BBS9: variants seen among roughly 807,000 people sequenced by gnomAD.
BBS9 encodes Bardet-Biedl syndrome 9, also known as protein PTHB1.
Under a neutral mutation model 117.7 loss-of-function variants are expected in BBS9, and 89 were observed. That is an observed-to-expected ratio of 0.76 (90% CI 0.64 to 0.90). BBS9 has a LOEUF of 0.90. Among genes scored for constraint, BBS9 ranks in the 40% least tolerant of loss-of-function variants. The pLI is 0.00. For synonymous variants in BBS9, 379 were observed against 370.9 expected, an observed-to-expected ratio of 1.02 and a Z score of -0.25; for missense variants, 982 against 1,042.2, an observed-to-expected ratio of 0.94 and a Z score of 0.80.
chr7:33,331,692 A>C (rs557109488), intron 9 of BBS9, among the ~76,000 whole-genome samples: 1 of 150,362 alleles, frequency 6.7e-6, no homozygotes, highest in South Asian at 2.1e-4. Flanking sequence ...CACACACACA[A>C]CTCCCCCCAA....
chr7:33,498,683 A>G (rs1335552461), intron 19 of BBS9, among the ~76,000 whole-genome samples: 1 of 152,172 alleles, frequency 6.6e-6, no homozygotes, highest in East Asian at 1.9e-4. Flanking sequence ...TGTAGCGTGT[A>G]TAAGTACTTG....
chr7:33,197,620 C>G (rs1243346705), intron 5 of BBS9, among the ~76,000 whole-genome samples: 1 of 151,674 alleles, frequency 6.6e-6, no homozygotes, highest in Non-Finnish European at 1.5e-5. Flanking sequence ...TACACTGGTA[C>G]TCTGATTATA....
At chr7:33,366,180 T>A (rs142073718) in intron 16 of BBS9, among the ~76,000 whole-genome samples, 2 of 152,152 alleles carry the variant, frequency 1.3e-5, no homozygotes, top group Non-Finnish European at 2.9e-5. Context: ...CTGGTGGAAA[T>A]GGCTATTGGT....
At position 33,513,128 on chromosome 7, in the gene BBS9, C is replaced by T. The variant is rs185642678; in HGVS notation, c.2298+7483C>T. Among the ~76,000 whole-genome samples, 257 of 152,246 alleles carry T rather than the reference C, an allele frequency of 1.7e-3. 5 individuals carry two copies. Among genetic ancestry groups the T allele is most frequent in the Admixed American group, 0.013 (206 of 15,288 alleles). On this transcript the variant is annotated intron_variant, in intron 20 of 22. Coordinates refer to ENST00000242067, the MANE Select transcript of BBS9 (RefSeq NM_198428.3). Reference sequence around the variant, plus strand: ...CTAAAGCTCATTTTATGTGACTCCCCGGCTACCCCCTTCATTCTGGGAAAT... The same window carrying T: ...CTAAAGCTCATTTTATGTGACTCCCTGGCTACCCCCTTCATTCTGGGAAAT...
intron 20 of BBS9, among the ~76,000 whole-genome samples, chr7:33,512,871 G>A (rs10275218): frequency 0.02 from 3,055 of 152,238 alleles, 82 homozygotes; most frequent in African/African-American, 0.056. Flanking sequence ...ACGCCCCTTG[G>A]CTCAGGCCCT....
At chr7:33,481,809 T>C (rs1167930952) in intron 19 of BBS9, among the ~76,000 whole-genome samples, 2 of 152,108 alleles carry the variant, frequency 1.3e-5, no homozygotes, top group Non-Finnish European at 2.9e-5. Context: ...TAGGGAGATA[T>C]TTTAAGGGCA....
At chr7:33,635,274 G>C (rs112570572) in exon 22 of BBS9, among the ~76,000 whole-genome samples, 1 of 152,188 alleles carries the variant, frequency 6.6e-6, no homozygotes, top group African/African-American at 2.4e-5. Context: ...AAAGCTAAGC[G>C]GGGTCAATCA....
chr7:33,610,155 G>A (rs914380639), downstream of BBS9, among the ~76,000 whole-genome samples: 6 of 152,098 alleles, frequency 3.9e-5, no homozygotes, highest in Admixed American at 6.6e-5. Flanking sequence ...GTGAGCGAGC[G>A]AGATAGAGAG....
intron 19 of BBS9, among the ~76,000 whole-genome samples, chr7:33,421,086 A>G (rs1437712691): frequency 6.6e-6 from 1 of 152,222 alleles, no homozygotes; most frequent in African/African-American, 2.4e-5. Context: ...AAAGGAGTAG[A>G]AATGGAAGGA....
At chr7:33,419,420 T>C (rs1584757423) in intron 19 of BBS9, among the ~76,000 whole-genome samples, 1 of 152,302 alleles carries the variant, frequency 6.6e-6, no homozygotes, top group African/African-American at 2.4e-5. Flanking sequence ...TTGATGGAAA[T>C]GGGGAGCTTG....
intron 9 of BBS9, among the ~76,000 whole-genome samples, chr7:33,298,182 T>C (rs1805656006): frequency 6.6e-6 from 1 of 152,074 alleles, no homozygotes; most frequent in African/African-American, 2.4e-5. Context: ...CATTGACACA[T>C]AGGAATATTT....
chr7:33,549,794 C>T (rs1477574232), intron 21 of BBS9, among the ~76,000 whole-genome samples: 2 of 152,152 alleles, frequency 1.3e-5, no homozygotes, highest in Non-Finnish European at 2.9e-5. Context: ...GAAATCTGAA[C>T]TCTGTATAAT....
intron 5 of BBS9, among the ~76,000 whole-genome samples, chr7:33,185,019 C>T (rs1212728318): frequency 6.6e-6 from 1 of 152,176 alleles, no homozygotes; most frequent in African/African-American, 2.4e-5. Context: ...CAATGTAATT[C>T]CCTGATGTTG....
In BBS9 at chr7:33,556,054, C is replaced by A. The variant is rs116423174; in HGVS notation, c.2521+21878C>A. Among the ~76,000 whole-genome samples, 82 of 152,256 alleles carry A rather than the reference C, an allele frequency of 5.4e-4. 2 individuals carry two copies. Among genetic ancestry groups the A allele is most frequent in the Admixed American group, 5.2e-3 (80 of 15,296 alleles). On this transcript the variant is annotated intron_variant, in intron 21 of 22. Transcript: ENST00000242067. ...ATCTAACTGATCACACTTGGTAGTG[C>A]ACAATGTTATGAAGTAGTACGTATT...
chr7:33,404,367 C>T (rs1246263479), intron 19 of BBS9, among the ~76,000 whole-genome samples: 3 of 152,064 alleles, frequency 2.0e-5, no homozygotes, highest in African/African-American at 7.2e-5. Flanking sequence ...GTAGTTTTTT[C>T]CAATTCTGTG....
chr7:33,424,898 C>T (rs1224118085), intron 19 of BBS9, among the ~76,000 whole-genome samples: 1 of 151,966 alleles, frequency 6.6e-6, no homozygotes, highest in Non-Finnish European at 1.5e-5. Flanking sequence ...CAAGTAGATA[C>T]TCACCATCAT....
intron 21 of BBS9, among the ~76,000 whole-genome samples, chr7:33,562,798 C>G (rs1001173942): frequency 6.6e-6 from 1 of 152,080 alleles, no homozygotes; most frequent in Non-Finnish European, 1.5e-5. Context: ...GTGGCACGCG[C>G]CTGTAGTCCC....
chr7:33,157,424 G>T (rs1043987135), intron 4 of BBS9, among the ~76,000 whole-genome samples: 4 of 152,160 alleles, frequency 2.6e-5, no homozygotes, highest in Non-Finnish European at 5.9e-5. Flanking sequence ...GGGACTAGGA[G>T]TTGTCCAAAC....
At chr7:33,608,881 TTTTG>T (rs141931664), downstream of BBS9, among the ~76,000 whole-genome samples, 54,150 of 151,622 alleles carry the variant, frequency 0.36, 12,658 homozygotes, top group African/African-American at 0.66. Flanking sequence ...ACTTATCAAT[TTTTG>T]TTTTTGTTGC....
Sources: gnomAD v4.1 joint callset for allele counts (sites outside exome capture counted in the v4.1 genomes callset) on GRCh38, gnomAD v4.1.1 for gene constraint, MANE v1.5 for transcripts, NCBI Gene and HGNC (gene_info 2026-07-23, HGNC 2026-07-21) for gene names.